Variants in SPDYE10 observed in about 807,000 individuals in gnomAD.
SPDYE10 encodes the protein speedy protein E10.
chr7:73,134,553 G>GAAAGAAAGAAAGAAAGA, the SPDYE10 span, among the ~76,000 whole-genome samples: 1 of 152,028 alleles, frequency 6.6e-6, no homozygotes, highest in Non-Finnish European at 1.5e-5. Flanking sequence ...AAGAAAGAAA[G>GAAAGAAAGAAAGAAAGA]AAAGAAAGAA....
the SPDYE10 span, among the ~76,000 whole-genome samples, chr7:73,113,859 C>G: frequency 5.3e-5 from 8 of 152,054 alleles, no homozygotes; most frequent in Admixed American, 1.3e-4. Flanking sequence ...CACCCCATCT[C>G]TGCTAAAAAT....
the SPDYE10 span, among the ~76,000 whole-genome samples, chr7:73,152,173 C>T: frequency 7.3e-6 from 1 of 137,000 alleles, no homozygotes; most frequent in Admixed American, 7.1e-5. Flanking sequence ...CACCACCATG[C>T]CTGGCTAATT....
chr7:73,152,046 A>G, the SPDYE10 span, among the ~76,000 whole-genome samples: 1 of 142,496 alleles, frequency 7.0e-6, no homozygotes, highest in South Asian at 2.2e-4. Flanking sequence ...GCAGAATCTC[A>G]TTCTGTCGCC....
At chr7:73,137,632 A>AAGG in the SPDYE10 span, among the ~76,000 whole-genome samples, 1 of 135,582 alleles carries the variant, frequency 7.4e-6, no homozygotes, top group African/African-American at 2.9e-5. Context: ...GAAAGAAAGA[A>AAGG]AGAAAGAAAG....
the SPDYE10 span, among the ~76,000 whole-genome samples, chr7:73,123,336 AC>A: frequency 6.6e-6 from 1 of 151,816 alleles, no homozygotes; most frequent in Non-Finnish European, 1.5e-5. Flanking sequence ...TAGCCACATG[AC>A]CCCACACAGG....
chr7:73,131,269 G>A, the SPDYE10 span, among the ~76,000 whole-genome samples: 1 of 144,970 alleles, frequency 6.9e-6, no homozygotes, highest in African/African-American at 2.7e-5. Flanking sequence ...GCAAGCAATG[G>A]AGAAATGGTG....
At chr7:73,123,812 T>TCTCTCTCTCTCTC in the SPDYE10 span, among the ~76,000 whole-genome samples, 1 of 151,326 alleles carries the variant, frequency 6.6e-6, no homozygotes, top group South Asian at 2.1e-4. Flanking sequence ...TCTCTCTCTC[T>TCTCTCTCTCTCTC]CTCTCTCTCT....
the SPDYE10 span, among the ~76,000 whole-genome samples, chr7:73,149,147 ATTTTTGTATT>A: frequency 1.4e-5 from 2 of 147,808 alleles, no homozygotes; most frequent in South Asian, 2.2e-4. Flanking sequence ...TGCCCAGGTA[ATTTTTGTATT>A]TTTTTGTAGA....
At chr7:73,125,380 A>G in the SPDYE10 span, among the ~76,000 whole-genome samples, 7 of 137,348 alleles carry the variant, frequency 5.1e-5, no homozygotes, top group Admixed American at 1.4e-4. Flanking sequence ...GTGGCTTCCA[A>G]TCTGCACCCA....
At chr7:73,125,082 A>C in the SPDYE10 span, among the ~76,000 whole-genome samples, 1 of 134,206 alleles carries the variant, frequency 7.5e-6, no homozygotes. Flanking sequence ...AAACCTACCC[A>C]CCCTCCTAGT....
chr7:73,153,356 T>A, the SPDYE10 span, among the ~76,000 whole-genome samples: 1 of 33,898 alleles, frequency 3.0e-5, no homozygotes, highest in Non-Finnish European at 5.1e-5. Context: ...CTTATGCCTG[T>A]AATCCCAGCA....
the SPDYE10 span, among the ~76,000 whole-genome samples, chr7:73,115,437 G>C: frequency 2.4e-4 from 36 of 151,542 alleles, no homozygotes; most frequent in Admixed American, 2.0e-3. Context: ...AGGGTGCCAG[G>C]CATGTTCATG....
the SPDYE10 span, among the ~76,000 whole-genome samples, chr7:73,139,956 C>CT: frequency 8.6e-3 from 154 of 17,874 alleles, no homozygotes; most frequent in African/African-American, 0.015. Context: ...AGCGCCCGGC[C>CT]TTTTTTTTTT....
At chr7:73,145,140 C>A in the SPDYE10 span, among the ~76,000 whole-genome samples, 2 of 129,200 alleles carry the variant, frequency 1.5e-5, no homozygotes, top group Admixed American at 1.5e-4. Context: ...TTCTTTCTTT[C>A]TCTTTTTCTT....
the SPDYE10 span, among the ~76,000 whole-genome samples, chr7:73,144,127 C>T: frequency 6.7e-6 from 1 of 150,036 alleles, no homozygotes; most frequent in African/African-American, 2.5e-5. Context: ...CCACCGCGTC[C>T]AGCAGCCACC....
chr7:73,128,255 A>T, the SPDYE10 span, among the ~76,000 whole-genome samples: 1 of 146,834 alleles, frequency 6.8e-6, no homozygotes, highest in Non-Finnish European at 1.5e-5. Flanking sequence ...ATATGATACC[A>T]GTTATATACA....
At chr7:73,142,768 C>T in the SPDYE10 span, among the ~76,000 whole-genome samples, 2 of 152,082 alleles carry the variant, frequency 1.3e-5, no homozygotes, top group Non-Finnish European at 2.9e-5. Flanking sequence ...GAACCCCCAT[C>T]TCCGCTATAC....
the SPDYE10 span, among the ~76,000 whole-genome samples, chr7:73,123,847 C>G: frequency 7.1e-6 from 1 of 141,482 alleles, no homozygotes; most frequent in Non-Finnish European, 1.5e-5. Flanking sequence ...TGCAATGGTG[C>G]GATCTGGGCT....
At chr7:73,127,715 T>C in the SPDYE10 span, among the ~76,000 whole-genome samples, 2 of 105,444 alleles carry the variant, frequency 1.9e-5, no homozygotes, top group African/African-American at 7.1e-5. Context: ...CCCACAAACA[T>C]GAATAGATGT....
Sources: allele counts gnomAD v4.1 joint callset (sites outside exome capture counted in the v4.1 genomes callset), GRCh38; gene constraint gnomAD v4.1.1; transcripts MANE v1.5; gene names NCBI Gene and HGNC (gene_info 2026-07-23, HGNC 2026-07-21).